The following TPCN1 variants were observed in gnomAD, a reference collection of about 807,000 sequenced individuals.
TPCN1 encodes the protein two pore segment channel 1.
In TPCN1, 52 loss-of-function variants were observed where a neutral mutation model predicts 108.8. The ratio of observed to expected loss-of-function variants is 0.48; its 90% CI spans 0.38 to 0.60. The LOEUF (loss-of-function observed/expected upper bound fraction) is 0.60, where lower values mean the gene tolerates loss of function less well. Ranked by LOEUF, TPCN1 falls within the 20% of genes least tolerant of loss-of-function variation. The probability of loss-of-function intolerance (pLI) is 0.00; values close to 1 mark genes in which losing one functional copy is unlikely to be tolerated. For synonymous variants in TPCN1, 446 were observed against 433.7 expected, an observed-to-expected ratio of 1.03 and a Z score of -0.35; for missense variants, 806 against 1,072.8, an observed-to-expected ratio of 0.75 and a Z score of 3.47.
In TPCN1 at chr12:113,284,670, G is replaced by T. The variant is rs1420777477; in HGVS notation, c.1399+33G>T. ...CCGCTCAGGGACTGGCCGTGTCCTGGCCGGCACACCTGGCTTACCTGTGAG... is the reference window on the plus strand; with the variant it reads ...CCGCTCAGGGACTGGCCGTGTCCTGTCCGGCACACCTGGCTTACCTGTGAG... On this transcript the variant is annotated intron_variant, in intron 16 of 27. Transcript: ENST00000335509. The surrounding 1 kb of genome is among the most constrained non-coding windows in gnomAD (Gnocchi z 4.1). 4 of 1,614,074 alleles carry T rather than the reference G, an allele frequency of 2.5e-6. No individual in the cohort carries two copies. The highest frequency in any genetic ancestry group is 1.7e-5 in the Admixed American group (1 of 60,004).
Position 113,296,348 on chromosome 12 carries a change from A to AC in TPCN1, c.*276dup, listed in dbSNP as rs1956429101. On this transcript the variant is annotated 3_prime_UTR_variant, in exon 28 of 28. Coordinates refer to ENST00000335509, the MANE Select transcript of TPCN1 (RefSeq NM_017901.6). Reference sequence around the variant, plus strand: ...GCTCCAGAAGGCCCTTCACAAGGAGACCCCTCACCTGGATCCAGTCGACTG... The same window carrying AC: ...GCTCCAGAAGGCCCTTCACAAGGAGACCCCCTCACCTGGATCCAGTCGACTG... 1 of 429,042 alleles carries AC rather than the reference A, an allele frequency of 2.3e-6. No individual in the cohort carries two copies. The highest frequency in any genetic ancestry group is 3.5e-5 in the East Asian group (1 of 28,316). 26.6% of individuals were successfully genotyped at this position (429,042 alleles called of 1,614,324 possible). A position where few individuals can be genotyped will look rare whatever the true frequency, so the allele number is the denominator to read the frequency against.
intron 3 of TPCN1, among the ~76,000 whole-genome samples, chr12:113,260,793 C>T (rs984519434): frequency 2.0e-5 from 3 of 152,236 alleles, no homozygotes; most frequent in Admixed American, 1.3e-4. Flanking sequence ...TGAGAGGCCA[C>T]GTTCTCAGGA....
chr12:113,259,059 C>T (rs751680552), intron 2 of TPCN1, among the ~76,000 whole-genome samples: 47 of 151,966 alleles, frequency 3.1e-4, no homozygotes, highest in Non-Finnish European at 6.0e-4. Context: ...TCACTGCAAC[C>T]TCCGCCTCCC....
Position 113,297,805 on chromosome 12 carries a change from CAGAG to C in TPCN1, c.*1732_*1735del, listed in dbSNP as rs1360066568. ...CCAGGCCAGAACCCCCTCCCTTTCACAGAGAGGGAACTTTATTGCACAATTGGGT... is the reference window on the plus strand; with the variant it reads ...CCAGGCCAGAACCCCCTCCCTTTCACAGGGAACTTTATTGCACAATTGGGT... On this transcript the variant is annotated 3_prime_UTR_variant, in exon 28 of 28. Transcript: ENST00000335509. The surrounding 1 kb of genome is among the most constrained non-coding windows in gnomAD (Gnocchi z 4.4). The C allele has an allele frequency of 1.3e-5, 2 of 152,350 alleles. No homozygotes were observed. Among genetic ancestry groups the C allele is most frequent in the African/African-American group, 4.8e-5 (2 of 41,466 alleles). The allele number at this position is 152,350 out of a possible 1,614,324, so 9.4% of individuals were successfully genotyped here.
chr12:113,241,709 G>A (rs7132851), intron 2 of TPCN1, among the ~76,000 whole-genome samples: 2,478 of 151,768 alleles, frequency 0.016, 89 homozygotes, highest in East Asian at 0.15. Flanking sequence ...ACAGATGTTC[G>A]CACAGGTGCT....
Position 113,268,078 on chromosome 12 carries a change from C to A in TPCN1, c.528+122C>A. The A allele has an allele frequency of 1.3e-6, 1 of 742,762 alleles. No individual in the cohort carries two copies. 46.0% of individuals were successfully genotyped at this position (742,762 alleles called of 1,614,324 possible). On this transcript the variant is annotated intron_variant, in intron 5 of 27. Coordinates refer to ENST00000335509, the MANE Select transcript of TPCN1 (RefSeq NM_017901.6). The surrounding 1 kb of genome is among the most constrained non-coding windows in gnomAD (Gnocchi z 7.3). ...CCCAGTCCATGCTCAGAGGTGTAAC[C>A]CTAGGGTCCCTGTCCTGACCGTGCC...
chr12:113,273,423 C>A lies in TPCN1; in HGVS notation c.842+133C>A. The A allele has an allele frequency of 7.9e-7, 1 of 1,271,358 alleles. No homozygotes were observed. Among genetic ancestry groups the A allele is most frequent in the African/African-American group, 1.5e-5 (1 of 68,186 alleles). 78.8% of individuals were successfully genotyped at this position (1,271,358 alleles called of 1,614,324 possible). A position where few individuals can be genotyped will look rare whatever the true frequency, so the allele number is the denominator to read the frequency against. On this transcript the variant is annotated intron_variant, in intron 9 of 27. Coordinates refer to ENST00000335509, the MANE Select transcript of TPCN1 (RefSeq NM_017901.6). The surrounding 1 kb of genome is among the most constrained non-coding windows in gnomAD (Gnocchi z 4.0). ...GCTATTGGGAGACAGGGTTGGCCCA[C>A]TGAGCACGGAGCCCAGGGATGAGAG...
intron 12 of TPCN1, 62 bp downstream of exon 12, chr12:113,277,426 CG>C: frequency 6.2e-7 from 1 of 1,601,314 alleles, no homozygotes. Context: ...CTAGAGTGAA[CG>C]GGGGCATGTG....
chr12:113,295,939 C>T (rs1956411542), intron 27 of TPCN1, 21 bp from the exon 28 acceptor site: 1 of 1,566,174 alleles, frequency 6.4e-7, no homozygotes, highest in South Asian at 1.2e-5. Context: ...CCCTCAGCAC[C>T]CCTTCTGCTC....
chr12:113,260,582 T>G, intron 3 of TPCN1, 90 bp downstream of exon 3: 1 of 1,472,996 alleles, frequency 6.8e-7, no homozygotes, highest in South Asian at 1.3e-5. Flanking sequence ...AGAAATTCAG[T>G]TCCAGCATCA....
intron 14 of TPCN1, 147 bp from the exon 15 acceptor site, chr12:113,280,004 C>G (rs1463060098): frequency 9.6e-6 from 6 of 627,100 alleles, no homozygotes; most frequent in Admixed American, 2.4e-5. Flanking sequence ...CTTTCTTCAC[C>G]TCTGGGGTAA....
rs553965315 is a variant in TPCN1 at position 113,269,649 on chromosome 12, G to C, written c.660-108G>C. ...ATGATGTCACACCAGAGTGCGTCAG[G>C]GTTTAGTATTTCGAGTCAGAAGCAC... On this transcript the variant is annotated intron_variant, in intron 6 of 27. Coordinates refer to ENST00000335509, the MANE Select transcript of TPCN1 (RefSeq NM_017901.6). The surrounding 1 kb of genome is among the most constrained non-coding windows in gnomAD (Gnocchi z 5.0). 5.5e-5 allele frequency: 51 copies of C among 932,392 alleles called. No homozygotes were observed. Among genetic ancestry groups the C allele is most frequent in the Non-Finnish European group, 3.7e-5 (22 of 597,666 alleles). 57.8% of individuals were successfully genotyped at this position (932,392 alleles called of 1,614,324 possible). A position where few individuals can be genotyped will look rare whatever the true frequency, so the allele number is the denominator to read the frequency against.
At chr12:113,235,800 T>A (rs1318014200) in intron 2 of TPCN1, among the ~76,000 whole-genome samples, 1 of 152,106 alleles carries the variant, frequency 6.6e-6, no homozygotes, top group African/African-American at 2.4e-5. Flanking sequence ...CAGGAGGAGA[T>A]GGCGTGCTTC....
In TPCN1 at chr12:113,288,972, G is replaced by T; in HGVS notation, c.1796+125G>T. ...ATGTTCCTGTCTAAGCAACCACCTTGCTTTGCTTTCAGGGCTTAGTTGAGT... is the reference window on the plus strand; with the variant it reads ...ATGTTCCTGTCTAAGCAACCACCTTTCTTTGCTTTCAGGGCTTAGTTGAGT... On this transcript the variant is annotated intron_variant, in intron 21 of 27. Coordinates refer to ENST00000335509, the MANE Select transcript of TPCN1 (RefSeq NM_017901.6). This position sits in a 1 kb window ranked among gnomAD's most constrained non-coding sequence, Gnocchi z 4.8. The T allele has an allele frequency of 1.0e-6, 1 of 958,478 alleles. No individual in the cohort carries two copies. The highest frequency in any genetic ancestry group is 1.6e-6 in the Non-Finnish European group (1 of 614,576). The allele number at this position is 958,478 out of a possible 1,614,324, so 59.4% of individuals were successfully genotyped here.
At chr12:113,243,785 T>TA in intron 2 of TPCN1, among the ~76,000 whole-genome samples, 1 of 151,986 alleles carries the variant, frequency 6.6e-6, no homozygotes, top group Admixed American at 6.6e-5. Flanking sequence ...AAAAATAAAA[T>TA]AAAAAAAGTT....
intron 19 of TPCN1, among the ~76,000 whole-genome samples, chr12:113,287,576 G>T (rs967673288): frequency 6.4e-4 from 98 of 152,296 alleles, no homozygotes; most frequent in African/African-American, 2.3e-3. Flanking sequence ...GAGGGGTCCC[G>T]AGGTCCTGTG....
intron 14 of TPCN1, among the ~76,000 whole-genome samples, 174 bp from the exon 15 acceptor site, chr12:113,279,977 C>T (rs1392181124): frequency 1.3e-5 from 2 of 152,132 alleles, no homozygotes; most frequent in Admixed American, 1.3e-4. Flanking sequence ...GGGTACCACT[C>T]TTTGAGCAGG....
rs141433844 is a variant in TPCN1 at position 113,224,790 on chromosome 12, C to T, written c.-125-1938C>T. On this transcript the variant is annotated intron_variant, in intron 1 of 27. Coordinates refer to ENST00000335509, the MANE Select transcript of TPCN1 (RefSeq NM_017901.6). ...TATTTGAGGTGGAATCTGGCTCTGTCGCCCAGGCTGCAGTGCAGTGCACCA... is the reference window on the plus strand; with the variant it reads ...TATTTGAGGTGGAATCTGGCTCTGTTGCCCAGGCTGCAGTGCAGTGCACCA... 1.9e-4 allele frequency among the ~76,000 whole-genome samples: 29 copies of T among 152,216 alleles called. No homozygotes were observed. The East Asian group carries it at 3.9e-3, about 20-fold the overall frequency.
Position 113,277,326 on chromosome 12 carries a change from C to T in TPCN1, c.1146C>T (p.Thr382=), listed in dbSNP as rs768889099. The T allele has an allele frequency of 3.7e-5, 60 of 1,614,074 alleles. No individual in the cohort carries two copies. The highest frequency in any genetic ancestry group is 5.1e-5 in the Non-Finnish European group (60 of 1,180,040). The change falls in exon 12 of 28, where the codon ACC becomes ACT. Residue 382 remains threonine, a synonymous_variant. Transcript: ENST00000335509. Reference sequence around the variant, plus strand: ...TGAGTGCCAGGGAGCGCTATCTTACCTTCAAGGCCCTGAATCAGAACAACA... The same window carrying T: ...TGAGTGCCAGGGAGCGCTATCTTACTTTCAAGGCCCTGAATCAGAACAACA... ...PRMSARERYL[T]FKALNQNNTP... is the part of the protein sequence containing the mutation.
Sources: allele counts gnomAD v4.1 joint callset (sites outside exome capture counted in the v4.1 genomes callset), GRCh38; gene constraint gnomAD v4.1.1; non-coding constraint Gnocchi (gnomAD v3.1); transcripts MANE v1.5; gene names NCBI Gene and HGNC (gene_info 2026-07-23, HGNC 2026-07-21).